MAOA: variants seen among roughly 807,000 people sequenced by gnomAD.
MAOA encodes the protein amine oxidase [flavin-containing] A.
MAOA carries 6 observed loss-of-function variants against 42.0 expected under a neutral mutation model. The ratio of observed to expected loss-of-function variants is 0.14; its 90% CI spans 0.08 to 0.28. MAOA has a LOEUF of 0.28. MAOA is among the 10% of genes least tolerant of loss of function. MAOA has a pLI of 1.00. For synonymous variants in MAOA, 140 were observed against 154.0 expected, an observed-to-expected ratio of 0.91 and a Z score of 0.67; for missense variants, 262 against 422.3, an observed-to-expected ratio of 0.62 and a Z score of 3.33.
intron 1 of MAOA, among the ~76,000 whole-genome samples, chrX:43,660,671 T>C (rs761100691): frequency 2.7e-5 from 3 of 112,015 alleles, no homozygotes; most frequent in South Asian, 3.7e-4. Flanking sequence ...CTGGCTCCCA[T>C]TGATTTTTCT....
intron 1 of MAOA, among the ~76,000 whole-genome samples, chrX:43,667,213 C>A (rs2033290174): frequency 9.0e-6 from 1 of 111,214 alleles, no homozygotes; most frequent in Non-Finnish European, 1.9e-5. Flanking sequence ...AAGCACTCCC[C>A]ACTTCCATGG....
At chrX:43,705,942 T>TA (rs2033656104) in intron 3 of MAOA, among the ~76,000 whole-genome samples, 1 of 112,151 alleles carries the variant, frequency 8.9e-6, no homozygotes, top group Non-Finnish European at 1.9e-5. Flanking sequence ...ATGGCTGTAA[T>TA]AAAAAAGGCA....
At chrX:43,684,878 T>C (rs1569192735) in intron 2 of MAOA, among the ~76,000 whole-genome samples, 1 of 96,636 alleles carries the variant, frequency 1.0e-5, no homozygotes, top group Non-Finnish European at 2.1e-5. Context: ...TCTTTTCTTT[T>C]TTTTTTTTTT....
At chrX:43,676,290 C>T (rs1391731109) in intron 1 of MAOA, among the ~76,000 whole-genome samples, 5 of 111,995 alleles carry the variant, frequency 4.5e-5, no homozygotes, top group Admixed American at 9.5e-5. Flanking sequence ...TTTTTAAGCC[C>T]GTCAGAAAAG....
chrX:43,666,369 C>G (rs1027564807), intron 1 of MAOA, among the ~76,000 whole-genome samples: 2 of 111,620 alleles, frequency 1.8e-5, no homozygotes, highest in African/African-American at 6.5e-5. Flanking sequence ...GGTTAAAAAC[C>G]TTGAATCCAT....
chrX:43,691,842 A>G (rs2033536085), intron 2 of MAOA, among the ~76,000 whole-genome samples: 1 of 111,855 alleles, frequency 8.9e-6, no homozygotes, highest in Admixed American at 9.5e-5. Flanking sequence ...AAAATTCTAA[A>G]CAAAATGTTA....
At chrX:43,683,472 G>A (rs2033459778) in intron 1 of MAOA, 41 bp from the exon 2 acceptor site, 2 of 974,968 alleles carry the variant, frequency 2.1e-6, no homozygotes, top group South Asian at 3.8e-5. Flanking sequence ...TGGATTTTAA[G>A]CATTTGAATG....
At chrX:43,683,717 C>T (rs376829540) in intron 2 of MAOA, 110 bp downstream of exon 2, 22 of 610,873 alleles carry the variant, frequency 3.6e-5, no homozygotes, top group South Asian at 2.0e-4. Context: ...GCAGTTAAGC[C>T]GTTTGTCCTC....
chrX:43,732,856 TGTCAAAGTATA>T (rs1355645846), intron 9 of MAOA, 61 bp downstream of exon 9: 3 of 740,489 alleles, frequency 4.1e-6, no homozygotes, highest in Non-Finnish European at 6.4e-6. Flanking sequence ...GTGTGGATGC[TGTCAAAGTATA>T]TTACTTTGGA....
intron 10 of MAOA, 59 bp downstream of exon 10, chrX:43,736,339 C>A: frequency 1.3e-6 from 1 of 761,636 alleles, no homozygotes; most frequent in African/African-American, 2.1e-5. Context: ...TGTTTTTGCA[C>A]TGACAGTAGT....
intron 1 of MAOA, among the ~76,000 whole-genome samples, chrX:43,669,957 C>T (rs1471577663): frequency 3.6e-5 from 4 of 111,542 alleles, no homozygotes; most frequent in Non-Finnish European, 3.8e-5. Context: ...CCAACCATAG[C>T]ATAAAGGAGT....
chrX:43,660,845 C>T (rs577840139), intron 1 of MAOA, among the ~76,000 whole-genome samples: 4 of 111,635 alleles, frequency 3.6e-5, no homozygotes, highest in Admixed American at 9.6e-5. Flanking sequence ...AGAAAACTAG[C>T]GGTGGAAGAT....
intron 3 of MAOA, among the ~76,000 whole-genome samples, chrX:43,694,967 G>A (rs1452425882): frequency 1.8e-5 from 2 of 111,953 alleles, no homozygotes; most frequent in African/African-American, 6.5e-5. Flanking sequence ...AGCTTTTTAT[G>A]CATGAACTCA....
chrX:43,728,691 C>T (rs2033857963), intron 6 of MAOA, among the ~76,000 whole-genome samples: 1 of 112,261 alleles, frequency 8.9e-6, no homozygotes, highest in Non-Finnish European at 1.9e-5. Flanking sequence ...GGTTTCTGTC[C>T]CATCTGTTTA....
chrX:43,670,107 C>T (rs185419797), intron 1 of MAOA, among the ~76,000 whole-genome samples: 1 of 111,999 alleles, frequency 8.9e-6, no homozygotes, highest in Admixed American at 9.5e-5. Flanking sequence ...ATACATGTTA[C>T]CTTGTTTAAT....
intron 1 of MAOA, among the ~76,000 whole-genome samples, chrX:43,682,351 G>A (rs763072043): frequency 3.8e-4 from 42 of 111,023 alleles, no homozygotes; most frequent in Admixed American, 2.2e-3. Flanking sequence ...AAGATGAGTC[G>A]GGAGCATTGT....
At chrX:43,721,191 C>T (rs2033785881) in intron 5 of MAOA, among the ~76,000 whole-genome samples, 1 of 111,017 alleles carries the variant, frequency 9.0e-6, no homozygotes, top group Non-Finnish European at 1.9e-5. Context: ...AATGGGGAGA[C>T]AGGGACGGGT....
chrX:43,657,121 T>A (rs2033187197), intron 1 of MAOA, among the ~76,000 whole-genome samples: 1 of 87,096 alleles, frequency 1.1e-5, no homozygotes, highest in Admixed American at 1.3e-4. Flanking sequence ...TGTGTGTGTG[T>A]ATGAACTGTG....
At chrX:43,690,837 A>G (rs1490358297) in intron 2 of MAOA, among the ~76,000 whole-genome samples, 1 of 111,634 alleles carries the variant, frequency 9.0e-6, no homozygotes, top group East Asian at 2.8e-4. Context: ...TACTTAGAAG[A>G]TGTATAGTCT....
Sources: gnomAD v4.1 joint callset for allele counts (sites outside exome capture counted in the v4.1 genomes callset) on GRCh38, gnomAD v4.1.1 for gene constraint, MANE v1.5 for transcripts, NCBI Gene and HGNC (gene_info 2026-07-23, HGNC 2026-07-21) for gene names.